Variants in LRP1B observed in about 807,000 individuals in gnomAD.
LRP1B encodes low-density lipoprotein receptor-related protein 1B.
Under a neutral mutation model 556.6 loss-of-function variants are expected in LRP1B, and 217 were observed. That is an observed-to-expected ratio of 0.39 (90% CI 0.35 to 0.44). The LOEUF is 0.44. Ranked by LOEUF, LRP1B falls within the 20% of genes least tolerant of loss-of-function variation. The probability of loss-of-function intolerance (pLI) is 1.00; values close to 1 mark genes in which losing one functional copy is unlikely to be tolerated. For synonymous variants in LRP1B, 2,047 were observed against 1,865.8 expected (o/e 1.10, Z -2.50); for missense variants, 5,053 against 5,620.8 (o/e 0.90, Z 3.23).
intron 3 of LRP1B, among the ~76,000 whole-genome samples, chr2:141,295,746 A>AACACACACACACACAC (rs376812743): frequency 0.034 from 4,388 of 130,516 alleles, 160 homozygotes; most frequent in African/African-American, 0.057. Flanking sequence ...TGAGGAGAGA[A>AACACACACACACACAC]ACACACACAC....
chr2:140,562,501 T>C (rs1680966894), intron 43 of LRP1B, among the ~76,000 whole-genome samples: 1 of 152,200 alleles, frequency 6.6e-6, no homozygotes, highest in Non-Finnish European at 1.5e-5. Context: ...CAAAATTTGC[T>C]GTAAGTTGAG....
intron 3 of LRP1B, among the ~76,000 whole-genome samples, chr2:141,357,964 G>A (rs1280968596): frequency 6.6e-6 from 1 of 152,122 alleles, no homozygotes; most frequent in African/African-American, 2.4e-5. Context: ...TATGACTGTT[G>A]AGGAAAAACA....
At chr2:140,457,777 T>G in intron 60 of LRP1B, 126 bp from the exon 61 acceptor site, 1 of 735,898 alleles carries the variant, frequency 1.4e-6, no homozygotes, top group Middle Eastern at 3.8e-4. Context: ...TGTGACAACC[T>G]GTCAGGCCAG....
At chr2:141,015,330 G>T (rs1185372406) in intron 13 of LRP1B, among the ~76,000 whole-genome samples, 1 of 152,112 alleles carries the variant, frequency 6.6e-6, no homozygotes, top group East Asian at 1.9e-4. Flanking sequence ...TTACTTCCTC[G>T]TAATACATAA....
chr2:141,485,371 A>G (rs1298858477), intron 2 of LRP1B, among the ~76,000 whole-genome samples: 1 of 152,164 alleles, frequency 6.6e-6, no homozygotes, highest in Admixed American at 6.6e-5. Context: ...ATAGCAAATA[A>G]TATTTTTAGA....
chr2:141,900,837 C>T (rs1181121955), intron 1 of LRP1B, among the ~76,000 whole-genome samples: 1 of 151,852 alleles, frequency 6.6e-6, no homozygotes, highest in Non-Finnish European at 1.5e-5. Flanking sequence ...TTATAAAAAC[C>T]TTCTCAAATT....
At chr2:140,611,988 T>C (rs1683088777) in intron 41 of LRP1B, among the ~76,000 whole-genome samples, 1 of 152,026 alleles carries the variant, frequency 6.6e-6, no homozygotes, top group Non-Finnish European at 1.5e-5. Flanking sequence ...GTGGAAAGGG[T>C]ATAAATGTAA....
chr2:140,401,764 C>G (rs1684514533), intron 66 of LRP1B, among the ~76,000 whole-genome samples: 1 of 152,212 alleles, frequency 6.6e-6, no homozygotes, highest in Non-Finnish European at 1.5e-5. Context: ...GACATAGTCC[C>G]TCATAGTGTC....
intron 15 of LRP1B, among the ~76,000 whole-genome samples, chr2:140,999,703 A>G (rs1359702459): frequency 1.3e-5 from 2 of 152,050 alleles, no homozygotes; most frequent in Non-Finnish European, 2.9e-5. Context: ...GTTCCTATTA[A>G]GATATTTGTA....
At position 142,130,669 on chromosome 2, in the gene LRP1B, G is replaced by T; in HGVS notation, c.61C>A (p.Leu21Met). The change falls in exon 1 of 91, where the codon CTG becomes ATG. Residue 21 changes from leucine (L) to methionine (M), a missense_variant. By Grantham distance (15) the Leu-to-Met change is conservative. Around this residue, in one of 5 missense-constraint regions of LRP1B, gnomAD observed 3,619 missense variants for 3,931.9 expected, o/e 0.92. Coordinates refer to ENST00000389484, the MANE Select transcript of LRP1B (RefSeq NM_018557.3). ...TTACCTCGGTCGGCTCCCACGGTCA[G>T]CACCCTGGCAATCGGCAATAATCCC... ...LSGLLPIARV[L>M]TVGADRDQQL... 6.2e-7 allele frequency: 1 copy of T among 1,613,442 alleles called. No homozygotes were observed.
intron 1 of LRP1B, among the ~76,000 whole-genome samples, chr2:142,022,401 G>T (rs150370674): frequency 6.6e-6 from 1 of 151,320 alleles, no homozygotes; most frequent in African/African-American, 2.4e-5. Context: ...ATTATTATTT[G>T]TTTTGTTTTA....
At chr2:141,342,274 A>AACATAAAT (rs143821061) in intron 3 of LRP1B, among the ~76,000 whole-genome samples, 1 of 142,030 alleles carries the variant, frequency 7.0e-6, no homozygotes, top group Non-Finnish European at 1.5e-5. Context: ...AAATAAAAAT[A>AACATAAAT]AAATAAATAA....
At chr2:141,106,159 T>G (rs1397154197) in intron 7 of LRP1B, among the ~76,000 whole-genome samples, 2 of 152,208 alleles carry the variant, frequency 1.3e-5, no homozygotes, top group African/African-American at 4.8e-5. Flanking sequence ...CTCATATGTG[T>G]AAAGCTGACA....
intron 3 of LRP1B, among the ~76,000 whole-genome samples, chr2:141,382,840 A>G (rs921069306): frequency 2.0e-5 from 3 of 152,360 alleles, no homozygotes; most frequent in Non-Finnish European, 4.4e-5. Flanking sequence ...TGACATCCAC[A>G]GTATAAGCAA....
chr2:141,439,106 A>T (rs1206252780), intron 3 of LRP1B, among the ~76,000 whole-genome samples: 1 of 152,166 alleles, frequency 6.6e-6, no homozygotes, highest in African/African-American at 2.4e-5. Flanking sequence ...ACAGCAAAAC[A>T]ACTTAATGTT....
intron 1 of LRP1B, among the ~76,000 whole-genome samples, chr2:141,893,827 T>A (rs961256772): frequency 6.6e-6 from 1 of 152,220 alleles, no homozygotes; most frequent in East Asian, 1.9e-4. Context: ...AAATAAAACA[T>A]GACTTAGAAG....
At chr2:140,545,123 G>A (rs1207321545) in intron 43 of LRP1B, among the ~76,000 whole-genome samples, 2 of 145,216 alleles carry the variant, frequency 1.4e-5, no homozygotes, top group Non-Finnish European at 3.0e-5. Flanking sequence ...TATGTCCTTT[G>A]CCCACATTTT....
At chr2:140,816,510 A>C (rs1158577318) in intron 31 of LRP1B, among the ~76,000 whole-genome samples, 1 of 152,184 alleles carries the variant, frequency 6.6e-6, no homozygotes, top group Non-Finnish European at 1.5e-5. Context: ...GTATGACTTA[A>C]ATATTTAAAT....
At chr2:141,252,402 C>T (rs1184750768) in intron 4 of LRP1B, among the ~76,000 whole-genome samples, 1 of 152,066 alleles carries the variant, frequency 6.6e-6, no homozygotes, top group Non-Finnish European at 1.5e-5. Flanking sequence ...GTAAGGCATT[C>T]ATAAACTCAG....
Sources: gnomAD v4.1 joint callset for allele counts (sites outside exome capture counted in the v4.1 genomes callset) on GRCh38, gnomAD v4.1.1 for gene constraint, gnomAD v4.1.1 regional missense constraint, MANE v1.5 for transcripts, NCBI Gene and HGNC (gene_info 2026-07-23, HGNC 2026-07-21) for gene names.